LRRC37A2: variants seen among roughly 807,000 people sequenced by gnomAD.
LRRC37A2 encodes the protein leucine-rich repeat-containing protein 37A2.
Under a neutral mutation model 68.8 loss-of-function variants are expected in LRRC37A2, and 9 were observed. That is an observed-to-expected ratio of 0.13 (90% confidence interval 0.08 to 0.23). LRRC37A2 has a LOEUF of 0.23. LRRC37A2 is among the 10% of genes least tolerant of loss of function. The probability of loss-of-function intolerance (pLI) is 1.00; values close to 1 mark genes in which losing one functional copy is unlikely to be tolerated. For synonymous variants in LRRC37A2, 63 were observed against 367.6 expected (o/e 0.17, Z 9.48); for missense variants, 168 against 950.4 (o/e 0.18, Z 10.82).
intron 6 of LRRC37A2, among the ~76,000 whole-genome samples, chr17:46,525,600 AAT>A (rs57726130): frequency 0.037 from 2,478 of 67,252 alleles, 30 homozygotes; most frequent in African/African-American, 0.13. Flanking sequence ...TAATAATAAT[AAT>A]ATAATAATAA....
the LRRC37A2 span, among the ~76,000 whole-genome samples, chr17:46,734,976 A>G: frequency 1.3e-5 from 2 of 152,202 alleles, no homozygotes; most frequent in African/African-American, 2.4e-5. Context: ...GCTTGAGCCC[A>G]TGAGTTCAAG....
chr17:46,499,296 A>G, the LRRC37A2 span, among the ~76,000 whole-genome samples: 1 of 113,466 alleles, frequency 8.8e-6, no homozygotes, highest in African/African-American at 4.2e-5. Context: ...TGGTCGACAG[A>G]GCAAGACTCC....
the LRRC37A2 span, among the ~76,000 whole-genome samples, chr17:46,497,668 GTATAT>G: frequency 8.7e-5 from 13 of 149,748 alleles, no homozygotes; most frequent in African/African-American, 2.3e-4. Flanking sequence ...TACTTTCAGT[GTATAT>G]TATATCTACA....
chr17:47,020,791 A>C, the LRRC37A2 span, among the ~76,000 whole-genome samples: 1 of 141,002 alleles, frequency 7.1e-6, no homozygotes, highest in African/African-American at 2.6e-5. Flanking sequence ...CAAAAAAAAA[A>C]AAAAAAAAAA....
At chr17:46,755,725 T>A in the LRRC37A2 span, 10 of 775,564 alleles carry the variant, frequency 1.3e-5, no homozygotes, top group Non-Finnish European at 1.5e-5. Flanking sequence ...TTTAGTGATT[T>A]TTTTTTTTTT....
At chr17:46,913,863 G>C in the LRRC37A2 span, among the ~76,000 whole-genome samples, 1 of 152,152 alleles carries the variant, frequency 6.6e-6, no homozygotes, top group East Asian at 1.9e-4. Flanking sequence ...GGGTTCAAGT[G>C]ATTCTCCTGC....
chr17:46,977,506 A>G, the LRRC37A2 span, among the ~76,000 whole-genome samples: 41 of 152,286 alleles, frequency 2.7e-4, no homozygotes, highest in Non-Finnish European at 5.0e-4. Context: ...GCTGCTCCAC[A>G]CTGCTGCAAG....
chr17:46,799,195 C>T, the LRRC37A2 span, among the ~76,000 whole-genome samples: 1 of 152,148 alleles, frequency 6.6e-6, no homozygotes, highest in South Asian at 2.1e-4. Flanking sequence ...CTTTTGTCCA[C>T]CAAGTCACAG....
At chr17:46,762,769 C>CG in the LRRC37A2 span, 1 of 152,016 alleles carries the variant, frequency 6.6e-6, no homozygotes, top group South Asian at 2.1e-4. Flanking sequence ...TACCTGACTA[C>CG]GGCGAGAATC....
the LRRC37A2 span, among the ~76,000 whole-genome samples, chr17:46,840,267 T>C: frequency 6.6e-6 from 1 of 152,166 alleles, no homozygotes; most frequent in East Asian, 1.9e-4. Flanking sequence ...TTTATATTTT[T>C]AGTAGAGACG....
the LRRC37A2 span, among the ~76,000 whole-genome samples, chr17:46,805,996 G>C: frequency 4.6e-5 from 7 of 152,128 alleles, no homozygotes; most frequent in African/African-American, 1.7e-4. Context: ...CTGTAGAATG[G>C]GGATAACAAG....
chr17:46,900,202 T>TACACACACACAC, the LRRC37A2 span, among the ~76,000 whole-genome samples: 3 of 101,168 alleles, frequency 3.0e-5, 1 homozygote, highest in African/African-American at 1.5e-4. Context: ...TATATATATA[T>TACACACACACAC]ACACACACAC....
the LRRC37A2 span, chr17:46,978,545 C>T: frequency 2.3e-4 from 323 of 1,427,054 alleles, no homozygotes; most frequent in Non-Finnish European, 2.8e-4. Flanking sequence ...ACGTAGCTGC[C>T]CGCCCGGAGG....
the LRRC37A2 span, among the ~76,000 whole-genome samples, chr17:46,884,145 C>T: frequency 6.6e-6 from 1 of 152,176 alleles, no homozygotes; most frequent in Non-Finnish European, 1.5e-5. Flanking sequence ...CGGTAGCCCC[C>T]CGGGACCCCC....
the LRRC37A2 span, among the ~76,000 whole-genome samples, chr17:47,027,875 GA>G: frequency 6.6e-6 from 1 of 152,154 alleles, no homozygotes; most frequent in Non-Finnish European, 1.5e-5. Flanking sequence ...GTAATGTCCG[GA>G]GACAGTTTTG....
chr17:46,918,103 G>A, the LRRC37A2 span, among the ~76,000 whole-genome samples: 1 of 151,984 alleles, frequency 6.6e-6, no homozygotes, highest in African/African-American at 2.4e-5. Flanking sequence ...TTTTTGATAC[G>A]GAATCTCGCT....
chr17:46,676,294 G>A, the LRRC37A2 span, among the ~76,000 whole-genome samples: 2 of 140,820 alleles, frequency 1.4e-5, no homozygotes, highest in African/African-American at 2.9e-5. Flanking sequence ...GTGCAATGGC[G>A]TGATCTCGGC....
At chr17:46,927,656 A>G in the LRRC37A2 span, among the ~76,000 whole-genome samples, 1 of 152,174 alleles carries the variant, frequency 6.6e-6, no homozygotes, top group Non-Finnish European at 1.5e-5. Flanking sequence ...GCTCCCAAAT[A>G]ACGTGGGGCT....
At chr17:47,019,053 C>T in the LRRC37A2 span, 2 of 1,406,366 alleles carry the variant, frequency 1.4e-6, no homozygotes, top group East Asian at 2.3e-5. Context: ...CACTCCAGAA[C>T]CCACTACGGA....
Sources: allele counts gnomAD v4.1 joint callset (sites outside exome capture counted in the v4.1 genomes callset), GRCh38; gene constraint gnomAD v4.1.1; transcripts MANE v1.5; gene names NCBI Gene and HGNC (gene_info 2026-07-23, HGNC 2026-07-21).